The following BCAR3 variants were observed in gnomAD, a reference collection of about 807,000 sequenced individuals.
BCAR3 encodes the protein breast cancer anti-estrogen resistance protein 3.
In BCAR3, 37 loss-of-function variants were observed where a neutral mutation model predicts 80.1. That is an observed-to-expected ratio of 0.46 (90% CI 0.36 to 0.61). The LOEUF is 0.61. Ranked by LOEUF, BCAR3 falls within the 20% of genes least tolerant of loss-of-function variation. The pLI is 0.00. For synonymous variants in BCAR3, 389 were observed against 418.9 expected (o/e 0.93, Z 0.87); for missense variants, 978 against 1,068.2 (o/e 0.92, Z 1.18).
intron 1 of BCAR3, chr1:93,846,964 C>CA (rs1392089709): frequency 4.0e-6 from 1 of 247,638 alleles, no homozygotes; most frequent in African/African-American, 1.6e-4. Context: ...AGCACGCACA[C>CA]AGACGTCGCG....
chr1:93,611,898 T>C (rs961572835), intron 3 of BCAR3, among the ~76,000 whole-genome samples: 1 of 152,210 alleles, frequency 6.6e-6, no homozygotes, highest in African/African-American at 2.4e-5. Flanking sequence ...ATTTTTGGTA[T>C]GAGAAATTCA....
intron 2 of BCAR3, among the ~76,000 whole-genome samples, chr1:93,831,760 C>A (rs903668248): frequency 2.0e-5 from 3 of 152,098 alleles, no homozygotes; most frequent in Non-Finnish European, 1.5e-5. Flanking sequence ...CACTTCCCCA[C>A]CCTATAATCC....
At chr1:93,607,917 C>T (rs563596704) in intron 3 of BCAR3, among the ~76,000 whole-genome samples, 8 of 152,126 alleles carry the variant, frequency 5.3e-5, no homozygotes, top group Non-Finnish European at 1.2e-4. Context: ...CTCCTTCGGG[C>T]GGAATGTTCA....
At chr1:93,640,340 G>C (rs1026086758) in intron 3 of BCAR3, among the ~76,000 whole-genome samples, 3 of 152,060 alleles carry the variant, frequency 2.0e-5, no homozygotes, top group Non-Finnish European at 2.9e-5. Flanking sequence ...TGTCCATAGA[G>C]GCAAATGAAA....
chr1:93,617,957 C>T (rs1675183485), intron 3 of BCAR3, among the ~76,000 whole-genome samples: 3 of 152,234 alleles, frequency 2.0e-5, no homozygotes, highest in South Asian at 2.1e-4. Context: ...CTATCTCTGC[C>T]TGATTCTGAA....
intron 2 of BCAR3, among the ~76,000 whole-genome samples, chr1:93,657,949 T>G (rs954123424): frequency 4.2e-4 from 63 of 150,978 alleles, no homozygotes; most frequent in African/African-American, 1.5e-3. Flanking sequence ...TGTTACTGCT[T>G]CTTTTTTTTT....
At chr1:93,733,655 G>A (rs1650876236) in intron 2 of BCAR3, among the ~76,000 whole-genome samples, 2 of 152,202 alleles carry the variant, frequency 1.3e-5, no homozygotes, top group South Asian at 4.1e-4. Context: ...ACAGCTGGAT[G>A]ATGTGTGTGT....
chr1:93,777,164 A>G (rs55897737), intron 2 of BCAR3, among the ~76,000 whole-genome samples: 17,801 of 152,092 alleles, frequency 0.12, 1,463 homozygotes, highest in African/African-American at 0.22. Flanking sequence ...CTTCAGAGGA[A>G]CACAGCCCTG....
chr1:93,807,379 TATTCTTTATCA>T (rs1235221179), intron 2 of BCAR3, among the ~76,000 whole-genome samples: 1 of 152,196 alleles, frequency 6.6e-6, no homozygotes, highest in African/African-American at 2.4e-5. Context: ...GAGAGTTATA[TATTCTTTATCA>T]TAGAGGAAGG....
intron 1 of BCAR3, among the ~76,000 whole-genome samples, chr1:93,676,527 G>A (rs1281515169): frequency 6.6e-6 from 1 of 152,220 alleles, no homozygotes; most frequent in Admixed American, 6.5e-5. Flanking sequence ...CCACACAGAA[G>A]GTCTGCTCAC....
intron 2 of BCAR3, among the ~76,000 whole-genome samples, chr1:93,812,488 G>A (rs918912170): frequency 1.3e-4 from 20 of 152,274 alleles, no homozygotes; most frequent in African/African-American, 4.6e-4. Flanking sequence ...CCCTTCAACT[G>A]CCTTTCTGCC....
In BCAR3 at chr1:93,642,452, G is replaced by A. The variant is rs1676012958; in HGVS notation, c.318-109C>T. 4 of 1,084,836 alleles carry A rather than the reference G, an allele frequency of 3.7e-6. No homozygotes were observed. The South Asian group carries it at 4.0e-5, about 11-fold the overall frequency. 67.2% of individuals were successfully genotyped at this position (1,084,836 alleles called of 1,614,324 possible). Reference sequence around the variant, plus strand: ...CCTATTCACTAAGTTACTAAGCTGGGCCCCATCTCCCAGGCAGTATTCACA... The same window carrying A: ...CCTATTCACTAAGTTACTAAGCTGGACCCCATCTCCCAGGCAGTATTCACA... On this transcript the variant is annotated intron_variant, in intron 2 of 11. Coordinates refer to ENST00000260502, the MANE Select transcript of BCAR3 (RefSeq NM_003567.4).
chr1:93,812,491 T>A (rs930367600), intron 2 of BCAR3, among the ~76,000 whole-genome samples: 3 of 152,228 alleles, frequency 2.0e-5, no homozygotes, highest in Non-Finnish European at 4.4e-5. Context: ...TTCAACTGCC[T>A]TTCTGCCCAC....
At chr1:93,783,049 A>T in intron 2 of BCAR3, among the ~76,000 whole-genome samples, 1 of 152,366 alleles carries the variant, frequency 6.6e-6, no homozygotes, top group Non-Finnish European at 1.5e-5. Flanking sequence ...AAAATCTAAG[A>T]AGATTGACAA....
At chr1:93,653,205 A>C (rs1389013438) in intron 2 of BCAR3, among the ~76,000 whole-genome samples, 1 of 152,268 alleles carries the variant, frequency 6.6e-6, no homozygotes, top group East Asian at 1.9e-4. Context: ...GAATAAATTA[A>C]TGGCTAAGAG....
chr1:93,675,925 CAAAAAAAAAAAAA>C (rs58706715), intron 1 of BCAR3, among the ~76,000 whole-genome samples: 2 of 51,440 alleles, frequency 3.9e-5, no homozygotes, highest in Non-Finnish European at 8.5e-5. Flanking sequence ...AAATAGGAGA[CAAAAAAAAAAAAA>C]AAAAAAAAAA....
intron 2 of BCAR3, among the ~76,000 whole-genome samples, chr1:93,839,483 G>A (rs964860124): frequency 6.6e-6 from 1 of 152,142 alleles, no homozygotes; most frequent in Non-Finnish European, 1.5e-5. Flanking sequence ...CTGGCTGGAG[G>A]ATTTTCTTTA....
intron 3 of BCAR3, among the ~76,000 whole-genome samples, chr1:93,701,649 G>GTT (rs1036109436): frequency 1.3e-5 from 2 of 152,230 alleles, no homozygotes; most frequent in Non-Finnish European, 2.9e-5. Context: ...ACAGGGGCCT[G>GTT]TTTTATGTGG....
chr1:93,588,178 G>A (rs940836288), intron 5 of BCAR3, among the ~76,000 whole-genome samples: 6 of 152,090 alleles, frequency 3.9e-5, no homozygotes, highest in Admixed American at 6.5e-5. Context: ...CTGGACTGTG[G>A]CACTCAACAA....
Sources: gnomAD v4.1 joint callset for allele counts (sites outside exome capture counted in the v4.1 genomes callset) on GRCh38, gnomAD v4.1.1 for gene constraint, MANE v1.5 for transcripts, NCBI Gene and HGNC (gene_info 2026-07-23, HGNC 2026-07-21) for gene names.